The following DTNB variants were observed in gnomAD, a reference collection of about 807,000 sequenced individuals.
DTNB encodes dystrobrevin beta.
DTNB carries 63 observed loss-of-function variants against 90.7 expected under a neutral mutation model. That is an observed-to-expected ratio of 0.69 (90% confidence interval 0.57 to 0.86). The LOEUF is 0.86. DTNB is among the 40% of genes least tolerant of loss of function. The pLI is 0.00. For synonymous variants in DTNB, 277 were observed against 286.7 expected, an observed-to-expected ratio of 0.97 and a Z score of 0.34; for missense variants, 744 against 807.1, an observed-to-expected ratio of 0.92 and a Z score of 0.95.
chr2:25,508,537 G>GT (rs575242257), intron 9 of DTNB, among the ~76,000 whole-genome samples: 3,050 of 127,572 alleles, frequency 0.024, 236 homozygotes, highest in African/African-American at 0.086. Flanking sequence ...TTCGCTCTTT[G>GT]TTTTTTATTT....
chr2:25,509,217 T>C (rs1236529304), intron 9 of DTNB, among the ~76,000 whole-genome samples: 1 of 152,192 alleles, frequency 6.6e-6, no homozygotes, highest in Non-Finnish European at 1.5e-5. Context: ...GCACTAAGAG[T>C]GACATTCTTG....
At chr2:25,570,916 A>C (rs1212249721) in intron 8 of DTNB, among the ~76,000 whole-genome samples, 1 of 152,054 alleles carries the variant, frequency 6.6e-6, no homozygotes, top group African/African-American at 2.4e-5. Context: ...TCTCTCTTAA[A>C]CTCTAGACTC....
intron 4 of DTNB, among the ~76,000 whole-genome samples, chr2:25,619,491 A>C (rs183907676): frequency 6.6e-6 from 1 of 152,342 alleles, no homozygotes; most frequent in Non-Finnish European, 1.5e-5. Context: ...TTTTATCACA[A>C]TCAGAATGCC....
At chr2:25,610,032 C>CA (rs552703146) in intron 4 of DTNB, among the ~76,000 whole-genome samples, 299 of 152,276 alleles carry the variant, frequency 2.0e-3, no homozygotes, top group Non-Finnish European at 3.9e-3. Flanking sequence ...TTGTAGATGT[C>CA]ATAAGTTACT....
intron 9 of DTNB, among the ~76,000 whole-genome samples, chr2:25,504,193 G>A (rs1256667090): frequency 2.0e-5 from 3 of 151,986 alleles, no homozygotes; most frequent in Non-Finnish European, 2.9e-5. Context: ...GCTTGAACCC[G>A]GCAGGCAGAG....
At chr2:25,480,256 G>A (rs2064658479) in intron 10 of DTNB, among the ~76,000 whole-genome samples, 1 of 152,160 alleles carries the variant, frequency 6.6e-6, no homozygotes, top group Admixed American at 6.5e-5. Context: ...ATCAATCGGA[G>A]CTCAACCTTC....
At chr2:25,472,756 C>T (rs188089845) in intron 10 of DTNB, among the ~76,000 whole-genome samples, 36 of 152,256 alleles carry the variant, frequency 2.4e-4, no homozygotes, top group Admixed American at 2.2e-3. Flanking sequence ...TGGTGGCACA[C>T]GCCTGTAGTC....
At chr2:25,414,925 A>AATG (rs1266231385) in intron 16 of DTNB, among the ~76,000 whole-genome samples, 2 of 152,070 alleles carry the variant, frequency 1.3e-5, no homozygotes, top group Admixed American at 1.3e-4. Flanking sequence ...TCATGGGCTG[A>AATG]ACAGTCACTC....
intron 9 of DTNB, among the ~76,000 whole-genome samples, chr2:25,485,760 A>G (rs900602089): frequency 2.0e-5 from 3 of 152,098 alleles, no homozygotes; most frequent in Non-Finnish European, 2.9e-5. Flanking sequence ...GCTCAGATGC[A>G]TTCTTAGAAG....
At position 25,482,797 on chromosome 2, in the gene DTNB, T is replaced by A. The variant is rs1216778972; in HGVS notation, c.1078A>T (p.Arg360Trp). Residue 360 changes from arginine (R) to tryptophan (W), a missense_variant and splice_region_variant, in exon 10 of 21, where the codon AGG (arginine) becomes TGG (tryptophan). Transcript: ENST00000406818. ...MSSGVPTPTK[R>W]LQYSQDIPSH... ...GTCGAAGGCACAAGACATACGTACC[T>A]CTTGGTGGGAGTGGGCACTCCAGAG... 1.3e-5 allele frequency: 21 copies of A among 1,613,366 alleles called. No homozygotes were observed. Among genetic ancestry groups the A allele is most frequent in the Non-Finnish European group, 1.8e-5 (21 of 1,179,756 alleles).
intron 5 of DTNB, among the ~76,000 whole-genome samples, chr2:25,603,447 C>A (rs368995325): frequency 1.1e-4 from 17 of 152,236 alleles, no homozygotes; most frequent in South Asian, 8.3e-4. Flanking sequence ...CAACAATGAA[C>A]CATCTCTGTA....
At chr2:25,544,741 T>C (rs568346226) in intron 8 of DTNB, among the ~76,000 whole-genome samples, 2 of 152,356 alleles carry the variant, frequency 1.3e-5, no homozygotes, top group South Asian at 2.1e-4. Flanking sequence ...TGCCATAGTT[T>C]AGTACTTCAG....
chr2:25,496,298 G>C (rs566609356), intron 9 of DTNB, among the ~76,000 whole-genome samples: 2 of 151,950 alleles, frequency 1.3e-5, no homozygotes, highest in Non-Finnish European at 2.9e-5. Context: ...TGTTCTCCTT[G>C]TTCATTAAAC....
intron 1 of DTNB, among the ~76,000 whole-genome samples, chr2:25,666,685 TA>T (rs1484643472): frequency 4.6e-5 from 7 of 152,046 alleles, no homozygotes; most frequent in African/African-American, 1.7e-4. Context: ...AAAAACAAGA[TA>T]AACCTCTATT....
intron 8 of DTNB, among the ~76,000 whole-genome samples, chr2:25,560,918 A>G (rs1411184578): frequency 1.3e-5 from 2 of 152,132 alleles, no homozygotes; most frequent in East Asian, 3.8e-4. Context: ...ATATCTGTTA[A>G]TACATATGTC....
chr2:25,611,530 G>A (rs2068611453), intron 4 of DTNB, among the ~76,000 whole-genome samples: 1 of 152,118 alleles, frequency 6.6e-6, no homozygotes, highest in Non-Finnish European at 1.5e-5. Flanking sequence ...CATATCCATG[G>A]GTGTCTGAAT....
intron 10 of DTNB, among the ~76,000 whole-genome samples, chr2:25,482,292 C>T (rs867562665): frequency 6.6e-6 from 1 of 152,116 alleles, no homozygotes; most frequent in Non-Finnish European, 1.5e-5. Context: ...AAAGCAAACT[C>T]CTTGCATAAC....
At chr2:25,533,802 T>A (rs1011552832) in intron 8 of DTNB, among the ~76,000 whole-genome samples, 4 of 152,216 alleles carry the variant, frequency 2.6e-5, no homozygotes, top group Non-Finnish European at 5.9e-5. Flanking sequence ...CTGGTCAGCA[T>A]CCTTTCCTCT....
At chr2:25,529,902 A>T (rs768984062) in intron 9 of DTNB, among the ~76,000 whole-genome samples, 1 of 152,242 alleles carries the variant, frequency 6.6e-6, no homozygotes, top group Non-Finnish European at 1.5e-5. Context: ...CAACATAAAA[A>T]TAAGGGCACA....
Sources: gnomAD v4.1 joint callset for allele counts (sites outside exome capture counted in the v4.1 genomes callset) on GRCh38, gnomAD v4.1.1 for gene constraint, MANE v1.5 for transcripts, NCBI Gene and HGNC (gene_info 2026-07-23, HGNC 2026-07-21) for gene names.